C14orf39: variants seen among roughly 807,000 people sequenced by gnomAD.
The protein encoded by C14orf39 is chromosome 14 open reading frame 39.
Under a neutral mutation model 85.6 loss-of-function variants are expected in C14orf39, and 66 were observed. The ratio of observed to expected loss-of-function variants is 0.77; its 90% CI spans 0.63 to 0.95. C14orf39 has a LOEUF of 0.95. C14orf39 is among the 40% of genes least tolerant of loss of function. C14orf39 has a pLI of 0.00. For synonymous variants in C14orf39, 242 were observed against 214.0 expected (o/e 1.13, Z -1.14); for missense variants, 735 against 663.9 (o/e 1.11, Z -1.18).
intron 8 of C14orf39, 61 bp from the exon 9 acceptor site, chr14:60,468,597 ATGCTT>A: frequency 1.1e-6 from 1 of 933,618 alleles, no homozygotes; most frequent in Non-Finnish European, 1.6e-6. Context: ...AAAAAAAGAT[ATGCTT>A]TATCTTATGT....
At chr14:60,449,851 AT>A (rs1033298382) in intron 16 of C14orf39, among the ~76,000 whole-genome samples, 1 of 152,144 alleles carries the variant, frequency 6.6e-6, no homozygotes, top group Non-Finnish European at 1.5e-5. Context: ...ATTTAAAGCT[AT>A]TTTTTGCTCT....
rs140494106 is a variant in C14orf39 at position 60,436,623 on chromosome 14, C to T, written c.*222G>A. ...GATTAATAAAAGTTCTACCTGACCACGGCTCGCAAAATCAAAACCAAAATA... is the reference window on the plus strand; with the variant it reads ...GATTAATAAAAGTTCTACCTGACCATGGCTCGCAAAATCAAAACCAAAATA... On this transcript the variant is annotated 3_prime_UTR_variant, in exon 18 of 18. Transcript: ENST00000321731. The T allele has an allele frequency of 3.6e-3, 1,188 of 331,496 alleles. 16 individuals carry two copies. The highest frequency in any genetic ancestry group is 0.022 in the African/African-American group (1,049 of 46,724). The allele number at this position is 331,496 out of a possible 1,614,324, so 20.5% of individuals were successfully genotyped here. A position where few individuals can be genotyped will look rare whatever the true frequency, so the allele number is the denominator to read the frequency against.
At chr14:60,451,086 G>T (rs1250311564) in intron 16 of C14orf39, among the ~76,000 whole-genome samples, 1 of 152,072 alleles carries the variant, frequency 6.6e-6, no homozygotes, top group Non-Finnish European at 1.5e-5. Flanking sequence ...AGATCATCCA[G>T]GAAAACATGA....
At chr14:60,475,555 A>G (rs188344707) in intron 5 of C14orf39, among the ~76,000 whole-genome samples, 13 of 152,300 alleles carry the variant, frequency 8.5e-5, no homozygotes, top group Non-Finnish European at 1.8e-4. Context: ...TATGAAATTT[A>G]AACTTCAGTA....
intron 5 of C14orf39, among the ~76,000 whole-genome samples, chr14:60,472,287 A>T (rs1369727460): frequency 6.6e-6 from 1 of 152,072 alleles, no homozygotes; most frequent in East Asian, 1.9e-4. Context: ...TATGAAGAAA[A>T]TTTTATCACA....
rs1186554666 is a variant in C14orf39, at chr14:60,491,077, T to C, written c.-8-5991A>G. Among the ~76,000 whole-genome samples the C allele has an allele frequency of 3.3e-5, 5 of 152,220 alleles. No individual in the cohort carries two copies. The highest frequency in any genetic ancestry group is 1.2e-4 in the African/African-American group (5 of 41,458). On this transcript the variant is annotated intron_variant, in intron 2 of 5. Transcript: ENST00000556799. The surrounding 1 kb of genome is among the most constrained non-coding windows in gnomAD (Gnocchi z 4.5). ...AAGCAACTGTTCATGACACCTATCC[T>C]GAGTTCCAGACCCACGTATCTAATT...
At position 60,471,447 on chromosome 14, in the gene C14orf39, A is replaced by C; in HGVS notation, c.524T>G (p.Phe175Cys). 1 of 1,600,310 alleles carries C rather than the reference A, an allele frequency of 6.2e-7. No homozygotes were observed. Among genetic ancestry groups the C allele is most frequent in the Non-Finnish European group, 8.5e-7 (1 of 1,173,398 alleles). The change falls in exon 7 of 18, where the codon TTT becomes TGT. Residue 175 changes from phenylalanine (F) to cysteine (C), a missense_variant. By Grantham distance (205) the Phe-to-Cys change is radical. Transcript: ENST00000321731. Reference protein sequence around the residue: ...IFMKFRVPAPFPSLTKWTLNI... With the variant: ...IFMKFRVPAPCPSLTKWTLNI... ...TAAAGTCCATTTAGTAAGTGATGGA[A>C]AGGGAGCAGGCACTGAAAAATAAAG...
chr14:60,481,600 T>G (rs4901985), intron 4 of C14orf39, among the ~76,000 whole-genome samples: 125,145 of 152,134 alleles, frequency 0.82, 53,087 homozygotes, highest in Non-Finnish European at 0.92. Context: ...GAGTTGATAT[T>G]CTTATTTCTT....
intron 11 of C14orf39, 120 bp downstream of exon 11, chr14:60,465,851 AACACACAC>A (rs10529202): frequency 0.016 from 6,556 of 414,542 alleles, 156 homozygotes; most frequent in African/African-American, 0.078. Flanking sequence ...ATAAATTTAT[AACACACAC>A]ACACACACAC....
At chr14:60,471,511 A>C in intron 6 of C14orf39, 41 bp downstream of exon 6, 1 of 1,570,864 alleles carries the variant, frequency 6.4e-7, no homozygotes, top group South Asian at 1.2e-5. Context: ...TTTCATTACA[A>C]AGATATCATA....
rs781237164 is a variant in C14orf39, at chr14:60,458,747, C to T, written c.1118-8G>A. The stretch of plus-strand genomic sequence containing the variant: ...TATCTCCATACTCAGCATCTGTTGT[C>T]ATATGAGAACAAACTATTTTTCTTT... On this transcript the variant is annotated splice_polypyrimidine_tract_variant and splice_region_variant and intron_variant, in intron 13 of 17. Coordinates refer to ENST00000321731, the MANE Select transcript of C14orf39 (RefSeq NM_174978.3). 2.5e-6 allele frequency: 4 copies of T among 1,580,270 alleles called. No homozygotes were observed. In the South Asian group the frequency reaches 4.6e-5, roughly 18 times the overall value.
chr14:60,437,635 CAAAAT>C (rs1339235442), intron 17 of C14orf39, among the ~76,000 whole-genome samples: 1 of 151,700 alleles, frequency 6.6e-6, no homozygotes, highest in Non-Finnish European at 1.5e-5. Context: ...TGGGACTAAC[CAAAAT>C]AAAATAAAAG....
Position 60,455,046 on chromosome 14 carries a change from A to T in C14orf39, c.1458T>A (p.Asn486Lys). Residue 486 changes from asparagine (N) to lysine (K), a missense_variant, in exon 16 of 18, where the codon AAT becomes AAA. By Grantham distance (94) the Asn-to-Lys change is moderately conservative. Transcript: ENST00000321731. ...MSYTSRSPGLNLFDSSVFDTE... is the reference protein window; with the variant it reads ...MSYTSRSPGLKLFDSSVFDTE... ...TATCAAATACAGAAGAATCAAATAA[A>T]TTCAATCCAGGTGATCTAGAAGTAT... is the stretch of plus-strand genomic sequence containing the variant. 6.3e-7 allele frequency: 1 copy of T among 1,576,620 alleles called. No individual in the cohort carries two copies. Among genetic ancestry groups the T allele is most frequent in the Non-Finnish European group, 8.6e-7 (1 of 1,166,672 alleles).
At chr14:60,509,590 T>C (rs1334730551) in intron 1 of C14orf39, 2 of 1,613,218 alleles carry the variant, frequency 1.2e-6, no homozygotes, top group Non-Finnish European at 1.7e-6. Context: ...CCTTTCACGG[T>C]GGCAACTACC....
intron 4 of C14orf39, among the ~76,000 whole-genome samples, chr14:60,482,879 GGTGTGTGT>G (rs60206941): frequency 1.5e-4 from 22 of 146,746 alleles, no homozygotes; most frequent in Admixed American, 5.5e-4. Context: ...TATATAGACA[GGTGTGTGT>G]GTGTGTGTGT....
intron 5 of C14orf39, among the ~76,000 whole-genome samples, chr14:60,477,913 G>C (rs956487230): frequency 2.0e-5 from 3 of 151,986 alleles, no homozygotes; most frequent in Non-Finnish European, 4.4e-5. Context: ...GGCATGGTGG[G>C]TCATGCCTGT....
chr14:60,481,215 ATAAT>A (rs2140154486), intron 4 of C14orf39, among the ~76,000 whole-genome samples: 1 of 152,350 alleles, frequency 6.6e-6, no homozygotes, highest in East Asian at 1.9e-4. Context: ...CTAAACATAC[ATAAT>A]TATTTTTCAA....
At chr14:60,466,743 T>C (rs1343839078) in intron 10 of C14orf39, among the ~76,000 whole-genome samples, 174 bp downstream of exon 10, 1 of 152,012 alleles carries the variant, frequency 6.6e-6, no homozygotes, top group Admixed American at 6.6e-5. Flanking sequence ...AAGTTACGTA[T>C]AGAAGACATA....
chr14:60,493,049 T>C (rs1893015099), intron 2 of C14orf39, among the ~76,000 whole-genome samples: 2 of 152,186 alleles, frequency 1.3e-5, no homozygotes, highest in South Asian at 2.1e-4. Context: ...TCACCTAATA[T>C]TCCCCACTCA....
Sources: allele counts gnomAD v4.1 joint callset (sites outside exome capture counted in the v4.1 genomes callset), GRCh38; gene constraint gnomAD v4.1.1; non-coding constraint Gnocchi (gnomAD v3.1); transcripts MANE v1.5; gene names NCBI Gene and HGNC (gene_info 2026-07-23, HGNC 2026-07-21).